PTPRD: variants seen among roughly 807,000 people sequenced by gnomAD.
PTPRD encodes protein tyrosine phosphatase receptor type D.
PTPRD carries 34 observed loss-of-function variants against 214.5 expected under a neutral mutation model. The ratio of observed to expected loss-of-function variants is 0.16; its 90% CI spans 0.12 to 0.21. The LOEUF is 0.21. Ranked by LOEUF, PTPRD falls within the 10% of genes least tolerant of loss-of-function variation. PTPRD has a pLI of 1.00. For missense variants in PTPRD, 2,545 were observed against 2,398.7 expected (o/e 1.06, Z -1.27); for synonymous variants, 1,128 against 845.7 (o/e 1.33, Z -5.79).
chr9:8,543,487 G>T (rs2079021331), intron 14 of PTPRD, among the ~76,000 whole-genome samples: 1 of 152,120 alleles, frequency 6.6e-6, no homozygotes, highest in African/African-American at 2.4e-5. Flanking sequence ...ACTAAAGGAA[G>T]GAAGAATGTG....
At chr9:10,196,161 T>C (rs1480656049) in intron 3 of PTPRD, among the ~76,000 whole-genome samples, 2 of 152,184 alleles carry the variant, frequency 1.3e-5, no homozygotes, top group African/African-American at 4.8e-5. Context: ...GACTTTATTG[T>C]ACATAAATAA....
At chr9:9,982,095 C>T (rs2095560871) in intron 4 of PTPRD, among the ~76,000 whole-genome samples, 1 of 152,176 alleles carries the variant, frequency 6.6e-6, no homozygotes, top group Non-Finnish European at 1.5e-5. Context: ...CCTTGGTGGA[C>T]AGCTTCTTGA....
intron 11 of PTPRD, among the ~76,000 whole-genome samples, chr9:8,925,397 G>A (rs1411929286): frequency 6.6e-6 from 1 of 151,844 alleles, no homozygotes; most frequent in Non-Finnish European, 1.5e-5. Context: ...CTCTAAGAAA[G>A]GTGAAAAATG....
At chr9:9,762,503 A>C (rs2098667494) in intron 6 of PTPRD, among the ~76,000 whole-genome samples, 1 of 152,150 alleles carries the variant, frequency 6.6e-6, no homozygotes, top group Admixed American at 6.6e-5. Context: ...ATTTTACCAT[A>C]GCAATCAAGA....
chr9:9,125,588 T>C (rs2099829483), intron 10 of PTPRD, among the ~76,000 whole-genome samples: 1 of 152,188 alleles, frequency 6.6e-6, no homozygotes, highest in South Asian at 2.1e-4. Flanking sequence ...TAGCAAGATA[T>C]CTGGCACAAA....
chr9:8,786,875 C>T (rs534994019), intron 11 of PTPRD, among the ~76,000 whole-genome samples: 1 of 152,132 alleles, frequency 6.6e-6, no homozygotes, highest in South Asian at 2.1e-4. Flanking sequence ...ACCTAGGTGT[C>T]TGCTGAGGAA....
intron 2 of PTPRD, among the ~76,000 whole-genome samples, chr9:10,518,094 G>T (rs1195443729): frequency 6.6e-6 from 1 of 152,130 alleles, no homozygotes; most frequent in East Asian, 1.9e-4. Context: ...TCAATCCATT[G>T]TTCTATTCCA....
chr9:10,446,102 G>C (rs901212114), intron 2 of PTPRD, among the ~76,000 whole-genome samples: 22 of 152,044 alleles, frequency 1.4e-4, no homozygotes, highest in Admixed American at 1.0e-3. Flanking sequence ...TCAGCCTCTA[G>C]AAAAAGAAAA....
In PTPRD at chr9:8,501,049, A is replaced by C; in HGVS notation, c.1833T>G (p.Ala611=). 1.2e-6 allele frequency: 2 copies of C among 1,611,292 alleles called. No homozygotes were observed. The highest frequency in any genetic ancestry group is 1.7e-6 in the Non-Finnish European group (2 of 1,177,866). Residue 611 remains alanine (A), a synonymous_variant, in exon 24 of 46, where the codon GCT becomes GCG. Transcript: ENST00000381196. ...SARTMQSKPS[A]PPQDISCTSP... ...TGGTGCAACTAATGTCTTGAGGAGG[A>C]GCTGACGGCTCTTATTTTGGTAGTG...
chr9:8,632,595 C>G (rs1331679355), intron 14 of PTPRD, among the ~76,000 whole-genome samples: 1 of 151,862 alleles, frequency 6.6e-6, no homozygotes, highest in Non-Finnish European at 1.5e-5. Flanking sequence ...TATACAGAAG[C>G]CTGAATTAGA....
intron 3 of PTPRD, among the ~76,000 whole-genome samples, chr9:10,090,446 G>T (rs1054694602): frequency 2.6e-5 from 4 of 151,246 alleles, no homozygotes; most frequent in African/African-American, 9.7e-5. Context: ...GGCAAAATCT[G>T]CAATGGTAAT....
chr9:9,238,598 T>A (rs1227657907), intron 9 of PTPRD, among the ~76,000 whole-genome samples: 1 of 152,062 alleles, frequency 6.6e-6, no homozygotes, highest in Non-Finnish European at 1.5e-5. Context: ...ACTTAAGAGC[T>A]AGTAGCATGC....
chr9:8,386,936 T>C (rs1166441931), intron 37 of PTPRD, among the ~76,000 whole-genome samples: 1 of 152,174 alleles, frequency 6.6e-6, no homozygotes, highest in Non-Finnish European at 1.5e-5. Context: ...TGTGGTCATT[T>C]AGTCCCAAGT....
intron 2 of PTPRD, among the ~76,000 whole-genome samples, chr9:10,356,486 C>G (rs1001494644): frequency 6.6e-6 from 1 of 152,090 alleles, no homozygotes; most frequent in Non-Finnish European, 1.5e-5. Flanking sequence ...TTCACTTATT[C>G]TGTCATTGTT....
chr9:10,109,345 G>C (rs185470917), intron 3 of PTPRD, among the ~76,000 whole-genome samples: 58 of 152,322 alleles, frequency 3.8e-4, no homozygotes, highest in African/African-American at 1.3e-3. Flanking sequence ...TGGCTGGCTA[G>C]TAGATATTTT....
At position 9,326,766 on chromosome 9, in the gene PTPRD, G is replaced by GA. The variant is rs148651325; in HGVS notation, c.-203+70682dup. On this transcript the variant is annotated intron_variant, in intron 9 of 45. Coordinates refer to ENST00000381196, the MANE Select transcript of PTPRD (RefSeq NM_002839.4). Reference sequence around the variant, plus strand: ...ACAGAAATATGCAGGCATCCCACAAGATAGAGGGGAAAAAAAAGGTATTTT... The same window carrying GA: ...ACAGAAATATGCAGGCATCCCACAAGAATAGAGGGGAAAAAAAAGGTATTTT... Among the ~76,000 whole-genome samples the GA allele has an allele frequency of 4.6e-3, 699 of 151,582 alleles. 9 individuals are homozygous for GA. Among genetic ancestry groups the GA allele is most frequent in the African/African-American group, 0.016 (677 of 41,400 alleles).
chr9:8,753,066 G>C (rs779506808), intron 11 of PTPRD, among the ~76,000 whole-genome samples: 1 of 152,134 alleles, frequency 6.6e-6, no homozygotes, highest in Non-Finnish European at 1.5e-5. Context: ...AATTAATTTG[G>C]TCTTCTGGCA....
At chr9:10,518,839 G>A (rs1176784970) in intron 2 of PTPRD, among the ~76,000 whole-genome samples, 1 of 143,378 alleles carries the variant, frequency 7.0e-6, no homozygotes, top group Non-Finnish European at 1.5e-5. Context: ...GCCTTACATT[G>A]TTTTTTTTTT....
intron 11 of PTPRD, among the ~76,000 whole-genome samples, chr9:8,796,537 C>A (rs372310330): frequency 6.6e-6 from 1 of 152,244 alleles, no homozygotes; most frequent in East Asian, 1.9e-4. Context: ...ATTTAACTGT[C>A]TCTCTCCTCC....
Sources: allele counts gnomAD v4.1 joint callset (sites outside exome capture counted in the v4.1 genomes callset), GRCh38; gene constraint gnomAD v4.1.1; transcripts MANE v1.5; gene names NCBI Gene and HGNC (gene_info 2026-07-23, HGNC 2026-07-21).